ZSWIM6: variants seen among roughly 807,000 people sequenced by gnomAD.
The protein encoded by ZSWIM6 is zinc finger SWIM-type containing 6.
In ZSWIM6, 9 loss-of-function variants were observed where a neutral mutation model predicts 113.2. The ratio of observed to expected loss-of-function variants is 0.08; its 90% CI spans 0.05 to 0.14. ZSWIM6 has a LOEUF of 0.14. Ranked by LOEUF, ZSWIM6 falls within the 10% of genes least tolerant of loss-of-function variation. The pLI, the probability that ZSWIM6 is intolerant of heterozygous loss-of-function variation, is 1.00. For synonymous variants in ZSWIM6, 611 were observed against 606.5 expected, an observed-to-expected ratio of 1.01 and a Z score of -0.11; for missense variants, 1,162 against 1,552.2, an observed-to-expected ratio of 0.75 and a Z score of 4.22.
At chr5:61,406,875 C>G (rs1746053247) in intron 1 of ZSWIM6, among the ~76,000 whole-genome samples, 1 of 151,864 alleles carries the variant, frequency 6.6e-6, no homozygotes, top group Non-Finnish European at 1.5e-5. Context: ...ACCATGCCTG[C>G]CTAATTTTTG....
chr5:61,451,200 G>T (rs1351033112), intron 1 of ZSWIM6, among the ~76,000 whole-genome samples: 1 of 152,138 alleles, frequency 6.6e-6, no homozygotes, highest in East Asian at 1.9e-4. Flanking sequence ...CTTTCAGAAA[G>T]CCTGGCTAGG....
At chr5:61,388,068 C>T (rs981612644) in intron 1 of ZSWIM6, among the ~76,000 whole-genome samples, 2 of 150,904 alleles carry the variant, frequency 1.3e-5, no homozygotes, top group East Asian at 2.0e-4. Flanking sequence ...CTGCAACCTC[C>T]GCCTCTCGGG....
intron 1 of ZSWIM6, among the ~76,000 whole-genome samples, chr5:61,392,374 T>A (rs933850250): frequency 2.6e-5 from 4 of 152,212 alleles, no homozygotes; most frequent in Non-Finnish European, 4.4e-5. Context: ...TCTTTAAAAA[T>A]TTTTTTAAAT....
intron 1 of ZSWIM6, among the ~76,000 whole-genome samples, chr5:61,453,272 A>G (rs993548242): frequency 1.4e-4 from 21 of 152,084 alleles, no homozygotes; most frequent in East Asian, 1.9e-4. Context: ...GAAGTATTAT[A>G]TACATTGTGG....
intron 4 of ZSWIM6, among the ~76,000 whole-genome samples, chr5:61,518,592 G>C (rs1359826917): frequency 6.6e-6 from 1 of 152,162 alleles, no homozygotes; most frequent in African/African-American, 2.4e-5. Flanking sequence ...GTCTTCTTTT[G>C]AGAAATGTCT....
intron 4 of ZSWIM6, among the ~76,000 whole-genome samples, chr5:61,516,292 A>G (rs1169800622): frequency 6.7e-6 from 1 of 149,864 alleles, no homozygotes; most frequent in Non-Finnish European, 1.5e-5. Context: ...ATGTTTTATT[A>G]TAATTTAATT....
At chr5:61,409,571 C>T (rs982357278) in intron 1 of ZSWIM6, among the ~76,000 whole-genome samples, 1 of 152,140 alleles carries the variant, frequency 6.6e-6, no homozygotes, top group Non-Finnish European at 1.5e-5. Context: ...TATAGTTCCC[C>T]CTTCTCCACC....
chr5:61,505,532 G>A (rs916051013), intron 4 of ZSWIM6, among the ~76,000 whole-genome samples: 1 of 151,932 alleles, frequency 6.6e-6, no homozygotes, highest in African/African-American at 2.4e-5. Flanking sequence ...TATCAGATAA[G>A]GGCCACAGGT....
At chr5:61,341,521 T>C (rs1418239137) in intron 1 of ZSWIM6, among the ~76,000 whole-genome samples, 2 of 152,210 alleles carry the variant, frequency 1.3e-5, no homozygotes, top group African/African-American at 2.4e-5. Flanking sequence ...TTTTGTAATA[T>C]GTCATTTTGA....
At chr5:61,335,309 C>T (rs1051469810) in intron 1 of ZSWIM6, among the ~76,000 whole-genome samples, 2 of 152,154 alleles carry the variant, frequency 1.3e-5, no homozygotes, top group African/African-American at 4.8e-5. Context: ...ATTCTTTTTT[C>T]GCCTCTGAGT....
At chr5:61,334,023 C>G (rs1296945553) in intron 1 of ZSWIM6, among the ~76,000 whole-genome samples, 3 of 152,184 alleles carry the variant, frequency 2.0e-5, no homozygotes, top group African/African-American at 4.8e-5. Flanking sequence ...TTTTGTGCCC[C>G]TTTCAGTTTT....
intron 1 of ZSWIM6, among the ~76,000 whole-genome samples, chr5:61,379,065 T>C (rs1432189695): frequency 1.3e-5 from 2 of 151,086 alleles, no homozygotes; most frequent in Non-Finnish European, 2.9e-5. Context: ...CCTATAATCC[T>C]AGCTACTCAG....
intron 1 of ZSWIM6, among the ~76,000 whole-genome samples, chr5:61,369,486 G>A (rs768422510): frequency 1.5e-4 from 23 of 152,226 alleles, no homozygotes; most frequent in Non-Finnish European, 3.1e-4. Context: ...GTTGGCTACA[G>A]TTGAGTATTC....
chr5:61,473,161 A>G (rs1183311741), intron 2 of ZSWIM6, 124 bp downstream of exon 2: 1 of 593,790 alleles, frequency 1.7e-6, no homozygotes, highest in Admixed American at 3.8e-5. Flanking sequence ...TTAGTTGGTC[A>G]AAAGAGATTT....
chr5:61,505,680 TTGCCTCCCTCCCTCCC>T (rs1207700750), intron 4 of ZSWIM6, among the ~76,000 whole-genome samples: 2 of 53,576 alleles, frequency 3.7e-5, no homozygotes, highest in African/African-American at 1.8e-4. Flanking sequence ...CCTTCTTTCC[TTGCCTCCCTCCCTCCC>T]TTCCTTCCTC....
chr5:61,411,195 A>G (rs1746143191), intron 1 of ZSWIM6, among the ~76,000 whole-genome samples: 2 of 152,208 alleles, frequency 1.3e-5, no homozygotes, highest in Non-Finnish European at 2.9e-5. Flanking sequence ...TTGCCAAATT[A>G]GTTATCAGTT....
intron 1 of ZSWIM6, among the ~76,000 whole-genome samples, chr5:61,471,928 TTG>T (rs111311363): frequency 1.4e-4 from 21 of 150,092 alleles, no homozygotes; most frequent in African/African-American, 2.0e-4. Flanking sequence ...TACCGTGTAT[TTG>T]TGTGTGTGTG....
At chr5:61,333,009 G>GGGGCCCCCCCC in intron 1 of ZSWIM6, 61 bp downstream of exon 1, 1 of 439,838 alleles carries the variant, frequency 2.3e-6, no homozygotes, top group Non-Finnish European at 3.2e-6. Context: ...TGGGGGGGGG[G>GGGGCCCCCCCC]TGCCCGCCTT....
rs967022472 is a variant in ZSWIM6 at position 61,391,624 on chromosome 5, G to A, written c.676+58676G>A. 4.3e-6 allele frequency: 4 copies of A among 921,034 alleles called. No individual in the cohort carries two copies. In the African/African-American group the frequency reaches 4.9e-5, roughly 11 times the overall value. 57.1% of individuals were successfully genotyped at this position (921,034 alleles called of 1,614,324 possible). On this transcript the variant is annotated intron_variant, in intron 1 of 13. Transcript: ENST00000252744. ...GCCCACAATGGCCACAACCACCATG[G>A]GTGGTATCTCCACAATGGTCACAGC... is the stretch of plus-strand genomic sequence containing the variant.
Sources: allele counts gnomAD v4.1 joint callset (sites outside exome capture counted in the v4.1 genomes callset), GRCh38; gene constraint gnomAD v4.1.1; transcripts MANE v1.5; gene names NCBI Gene and HGNC (gene_info 2026-07-23, HGNC 2026-07-21).